The following NAALADL2 variants were observed in gnomAD, a reference collection of about 807,000 sequenced individuals.
NAALADL2 encodes N-acetylated alpha-linked acidic dipeptidase like 2, also known as inactive N-acetylated-alpha-linked acidic dipeptidase-like protein 2.
In NAALADL2, 76 loss-of-function variants were observed where a neutral mutation model predicts 87.2. That is an observed-to-expected ratio of 0.87 (90% CI 0.72 to 1.05). The LOEUF (loss-of-function observed/expected upper bound fraction) is 1.05, where lower values mean the gene tolerates loss of function less well. NAALADL2 is among the 50% of genes least tolerant of loss of function. NAALADL2 has a pLI of 0.00. For synonymous variants in NAALADL2, 354 were observed against 331.0 expected (o/e 1.07, Z -0.75); for missense variants, 1,089 against 945.8 (o/e 1.15, Z -1.99).
At chr3:174,943,276 C>G (rs1290088702) in intron 1 of NAALADL2, among the ~76,000 whole-genome samples, 1 of 152,126 alleles carries the variant, frequency 6.6e-6, no homozygotes, top group Non-Finnish European at 1.5e-5. Flanking sequence ...GCTTTCTTGT[C>G]TCTGGTTTCA....
intron 3 of NAALADL2, among the ~76,000 whole-genome samples, chr3:174,763,251 T>G (rs9821599): frequency 0.22 from 34,062 of 151,966 alleles, 3,963 homozygotes; most frequent in Middle Eastern, 0.3. Context: ...ATAATTAATA[T>G]GATGAAATTT....
At chr3:174,792,642 G>A (rs1201188711) in intron 3 of NAALADL2, among the ~76,000 whole-genome samples, 1 of 152,096 alleles carries the variant, frequency 6.6e-6, no homozygotes, top group Admixed American at 6.6e-5. Flanking sequence ...ATCCAGTGTG[G>A]TGGAGACAGT....
chr3:175,351,749 G>A (rs1399463606), intron 5 of NAALADL2, among the ~76,000 whole-genome samples: 3 of 152,020 alleles, frequency 2.0e-5, no homozygotes, highest in Non-Finnish European at 4.4e-5. Context: ...AATCAAATTT[G>A]AGGAAAGATG....
At chr3:174,878,703 G>T (rs1172696991) in intron 1 of NAALADL2, among the ~76,000 whole-genome samples, 5 of 151,934 alleles carry the variant, frequency 3.3e-5, no homozygotes, top group Non-Finnish European at 7.4e-5. Context: ...CTGCAGCAAG[G>T]ATAGGTTAAT....
intron 1 of NAALADL2, among the ~76,000 whole-genome samples, chr3:174,890,832 CAT>C (rs1311619533): frequency 6.6e-6 from 1 of 152,066 alleles, no homozygotes; most frequent in South Asian, 2.1e-4. Context: ...ATAGGAAAAT[CAT>C]AAAAAATATT....
rs542183118 is a variant in NAALADL2, at chr3:175,323,468, C to A, written c.940-707C>A. Among the ~76,000 whole-genome samples the A allele has an allele frequency of 1.3e-4, 19 of 151,448 alleles. No homozygotes were observed. In the South Asian group the frequency reaches 4.0e-3, roughly 32 times the overall value. Reference sequence around the variant, plus strand: ...CTAACCTGCACAATGTGCACATGTACCCTAAATCTTAAAGTATAATAATAA... The same window carrying A: ...CTAACCTGCACAATGTGCACATGTAACCTAAATCTTAAAGTATAATAATAA... On this transcript the variant is annotated intron_variant, in intron 4 of 13. Transcript: ENST00000454872.
chr3:175,705,545 AAAG>A (rs1239739268), intron 11 of NAALADL2, among the ~76,000 whole-genome samples: 4 of 139,636 alleles, frequency 2.9e-5, no homozygotes, highest in African/African-American at 8.9e-5. Flanking sequence ...GAAAGAGAAG[AAAG>A]AAGAAGAAAA....
At chr3:175,039,569 T>C (rs1753809767) in intron 1 of NAALADL2, among the ~76,000 whole-genome samples, 1 of 152,132 alleles carries the variant, frequency 6.6e-6, no homozygotes, top group African/African-American at 2.4e-5. Context: ...TCCTTCGTAG[T>C]TGATCATCAT....
chr3:175,776,457 G>A (rs1297375658), intron 13 of NAALADL2: 1 of 151,968 alleles, frequency 6.6e-6, no homozygotes, highest in Non-Finnish European at 1.5e-5. Flanking sequence ...GTGCTTATTT[G>A]TTTGGACCTC....
chr3:175,435,365 A>G (rs886803007), intron 5 of NAALADL2, among the ~76,000 whole-genome samples: 16 of 152,072 alleles, frequency 1.1e-4, no homozygotes, highest in African/African-American at 3.6e-4. Context: ...TTGAAAATAT[A>G]TTCTCATAAT....
chr3:175,705,741 G>A (rs777876733), intron 11 of NAALADL2, among the ~76,000 whole-genome samples: 1 of 152,028 alleles, frequency 6.6e-6, no homozygotes, highest in African/African-American at 2.4e-5. Context: ...TTGCCCAACT[G>A]CCTTGTCCAG....
At chr3:175,653,110 T>A (rs1408380138) in intron 11 of NAALADL2, among the ~76,000 whole-genome samples, 2 of 152,096 alleles carry the variant, frequency 1.3e-5, no homozygotes, top group African/African-American at 4.8e-5. Context: ...AAGTCACATC[T>A]GTGTCATCTC....
intron 2 of NAALADL2, among the ~76,000 whole-genome samples, chr3:174,655,819 CAGTTTTAACATATAAA>C (rs1724860991): frequency 6.6e-6 from 1 of 152,134 alleles, no homozygotes; most frequent in Non-Finnish European, 1.5e-5. Flanking sequence ...CTTACTTTAT[CAGTTTTAACATATAAA>C]AGTTTTAAAA....
intron 1 of NAALADL2, among the ~76,000 whole-genome samples, chr3:175,014,263 G>C (rs983272953): frequency 6.6e-6 from 1 of 152,020 alleles, no homozygotes; most frequent in Non-Finnish European, 1.5e-5. Context: ...TTAGGTATCT[G>C]TATGGGTTAC....
chr3:175,342,076 TG>T (rs1391463108), intron 5 of NAALADL2, among the ~76,000 whole-genome samples: 1 of 152,172 alleles, frequency 6.6e-6, no homozygotes, highest in African/African-American at 2.4e-5. Flanking sequence ...ACTATAATTT[TG>T]TAGTAAGTTT....
intron 1 of NAALADL2, among the ~76,000 whole-genome samples, chr3:174,944,934 T>G (rs554792514): frequency 1.3e-5 from 2 of 152,234 alleles, no homozygotes; most frequent in Admixed American, 6.5e-5. Flanking sequence ...GTTGTTTCCT[T>G]GATTAGTCCT....
chr3:174,865,057 T>C (rs1245101777), intron 1 of NAALADL2, among the ~76,000 whole-genome samples: 3 of 152,070 alleles, frequency 2.0e-5, no homozygotes, highest in East Asian at 1.9e-4. Context: ...GTGACAGATA[T>C]GTTTAACCAT....
At chr3:175,726,910 CCTT>C (rs377223423) in intron 11 of NAALADL2, among the ~76,000 whole-genome samples, 82 of 152,156 alleles carry the variant, frequency 5.4e-4, no homozygotes, top group African/African-American at 1.9e-3. Flanking sequence ...TCATGAGTTG[CCTT>C]CTTCTTCAAT....
intron 2 of NAALADL2, among the ~76,000 whole-genome samples, chr3:174,611,734 G>C (rs1168850730): frequency 6.6e-6 from 1 of 151,796 alleles, no homozygotes; most frequent in Non-Finnish European, 1.5e-5. Flanking sequence ...GGGATTACAG[G>C]TGCATGCCGC....
Sources: allele counts gnomAD v4.1 joint callset (sites outside exome capture counted in the v4.1 genomes callset), GRCh38; gene constraint gnomAD v4.1.1; transcripts MANE v1.5; gene names NCBI Gene and HGNC (gene_info 2026-07-23, HGNC 2026-07-21).